The following EXT1 variants were observed in gnomAD, a reference collection of about 807,000 sequenced individuals.
EXT1 encodes the protein exostosin glycosyltransferase 1, also known as exostosin-1.
Under a neutral mutation model 82.5 loss-of-function variants are expected in EXT1, and 20 were observed. The ratio of observed to expected loss-of-function variants is 0.24; its 90% confidence interval spans 0.17 to 0.35. The LOEUF is 0.35. Ranked by LOEUF, EXT1 falls within the 10% of genes least tolerant of loss-of-function variation. EXT1 has a pLI of 1.00. For synonymous variants in EXT1, 348 were observed against 350.8 expected, an observed-to-expected ratio of 0.99 and a Z score of 0.09; for missense variants, 757 against 936.5, an observed-to-expected ratio of 0.81 and a Z score of 2.50.
At chr8:118,086,194 A>G (rs1817414821) in intron 1 of EXT1, among the ~76,000 whole-genome samples, 1 of 152,246 alleles carries the variant, frequency 6.6e-6, no homozygotes, top group Admixed American at 6.5e-5. Context: ...TGTATTGCCT[A>G]TCACGTACAT....
At chr8:117,936,461 C>A (rs1814165056) in intron 1 of EXT1, among the ~76,000 whole-genome samples, 1 of 152,236 alleles carries the variant, frequency 6.6e-6, no homozygotes, top group Non-Finnish European at 1.5e-5. Flanking sequence ...AGAGAGAAGT[C>A]AACCTAGAAC....
At chr8:117,816,711 A>G (rs1811826928) in intron 7 of EXT1, among the ~76,000 whole-genome samples, 1 of 152,234 alleles carries the variant, frequency 6.6e-6, no homozygotes, top group Non-Finnish European at 1.5e-5. Context: ...CTTTTCACTG[A>G]GAATGAAAAT....
At chr8:117,926,571 ATGAC>A (rs1177267562) in intron 1 of EXT1, among the ~76,000 whole-genome samples, 2 of 152,242 alleles carry the variant, frequency 1.3e-5, no homozygotes, top group Admixed American at 6.5e-5. Context: ...AATTGCCAAA[ATGAC>A]TGAGCAAATT....
intron 1 of EXT1, among the ~76,000 whole-genome samples, chr8:118,098,031 T>A (rs1817651677): frequency 6.7e-6 from 1 of 149,646 alleles, no homozygotes; most frequent in East Asian, 2.0e-4. Context: ...GGAGGAGGAG[T>A]GTGGCTCTGC....
chr8:117,854,428 G>A (rs1812506070), intron 1 of EXT1, among the ~76,000 whole-genome samples: 1 of 151,988 alleles, frequency 6.6e-6, no homozygotes, highest in Non-Finnish European at 1.5e-5. Context: ...AAAAGTTGGA[G>A]AGGGCAGTAG....
At position 117,889,495 on chromosome 8, in the gene EXT1, T is replaced by C. The variant is rs796808130; in HGVS notation, c.963-52294A>G. Among the ~76,000 whole-genome samples, 31 of 152,314 alleles carry C rather than the reference T, an allele frequency of 2.0e-4. 1 individual carries two copies. The highest frequency in any genetic ancestry group is 3.4e-3 in the Middle Eastern group (1 of 294). Reference sequence around the variant, plus strand: ...CTTAAAAAGCTAGAGTTATTTCTCATGTGATTTCATATCCTAGGGGACTTG... The same window carrying C: ...CTTAAAAAGCTAGAGTTATTTCTCACGTGATTTCATATCCTAGGGGACTTG... On this transcript the variant is annotated intron_variant, in intron 1 of 10. Coordinates refer to ENST00000378204, the MANE Select transcript of EXT1 (RefSeq NM_000127.3).
At chr8:118,073,682 G>C (rs556398783) in intron 1 of EXT1, among the ~76,000 whole-genome samples, 1 of 148,422 alleles carries the variant, frequency 6.7e-6, no homozygotes, top group African/African-American at 2.6e-5. Flanking sequence ...GAGAAGAGAA[G>C]AGAAGAGAAG....
chr8:118,007,895 TAGTG>T (rs1815812381), intron 1 of EXT1, among the ~76,000 whole-genome samples: 1 of 152,172 alleles, frequency 6.6e-6, no homozygotes, highest in South Asian at 2.1e-4. Flanking sequence ...GGACTAATGA[TAGTG>T]AGTATCTATG....
intron 1 of EXT1, among the ~76,000 whole-genome samples, chr8:117,842,649 T>C (rs937251961): frequency 2.0e-5 from 3 of 152,198 alleles, no homozygotes; most frequent in Non-Finnish European, 4.4e-5. Context: ...TTAAAAAGAA[T>C]GAAAACTACA....
chr8:117,994,430 G>A (rs1815495332), intron 1 of EXT1, among the ~76,000 whole-genome samples: 1 of 152,096 alleles, frequency 6.6e-6, no homozygotes, highest in Non-Finnish European at 1.5e-5. Context: ...TGAGCAACAT[G>A]GCAAAGCCCA....
intron 1 of EXT1, among the ~76,000 whole-genome samples, chr8:117,971,884 C>T (rs567369140): frequency 5.3e-5 from 8 of 152,192 alleles, no homozygotes; most frequent in Non-Finnish European, 1.0e-4. Flanking sequence ...GGTGCGGTGG[C>T]TCACGCCTGT....
In EXT1 at chr8:118,110,848, G is replaced by A. The variant is rs776249474; in HGVS notation, c.199C>T (p.Pro67Ser). 1.2e-6 allele frequency: 2 copies of A among 1,612,866 alleles called. No individual in the cohort carries two copies. Among genetic ancestry groups the A allele is most frequent in the Non-Finnish European group, 1.7e-6 (2 of 1,179,036 alleles). The change falls in exon 1 of 11, where the codon CCT (proline) becomes TCT (serine). Residue 67 changes from proline (P) to serine (S), a missense_variant. Physicochemically the swap from Pro to Ser is moderately conservative, Grantham distance 74 (BLOSUM62 -1). This residue lies in a region of EXT1 where 175 missense variants were observed against 159.0 expected (regional missense o/e 1.10). Transcript: ENST00000378204. Reference sequence around the variant, plus strand: ...TCCTCGTTTTCCAATTGATCCCAAGGAACGAAGGGGCGCAGAGCGTCCGGG... The same window carrying A: ...TCCTCGTTTTCCAATTGATCCCAAGAAACGAAGGGGCGCAGAGCGTCCGGG... Reference protein sequence around the residue: ...RFPDALRPFVPWDQLENEDSS... With the variant: ...RFPDALRPFVSWDQLENEDSS...
rs1823078408 is a variant in EXT1, at chr8:117,795,582, A to G, written c.*4130T>C. On this transcript the variant is annotated 3_prime_UTR_variant, in exon 11 of 11. Transcript: ENST00000378204. ...GAGGCAGAGGCAGGTGGATCACCTG[A>G]GGTCAGGAGTTTGAGACCAGCCTGG... The G allele has an allele frequency of 6.6e-6, 1 of 151,174 alleles. No homozygotes were observed. Among genetic ancestry groups the G allele is most frequent in the African/African-American group, 2.4e-5 (1 of 41,014 alleles). 9.4% of individuals were successfully genotyped at this position (151,174 alleles called of 1,614,324 possible).
intron 1 of EXT1, among the ~76,000 whole-genome samples, chr8:117,880,594 CTTT>C (rs58814828): frequency 1.4e-5 from 2 of 142,536 alleles, no homozygotes. Context: ...CCTCTTTTTT[CTTT>C]TTTTTTTTTT....
At chr8:117,934,559 C>G (rs1284577003) in intron 1 of EXT1, among the ~76,000 whole-genome samples, 1 of 152,248 alleles carries the variant, frequency 6.6e-6, no homozygotes, top group African/African-American at 2.4e-5. Flanking sequence ...GCCCCCTTTC[C>G]CTTCCTTCTC....
chr8:117,926,899 C>T (rs1813962724), intron 1 of EXT1, among the ~76,000 whole-genome samples: 1 of 152,144 alleles, frequency 6.6e-6, no homozygotes, highest in Admixed American at 6.5e-5. Flanking sequence ...AAAAATTCTA[C>T]AAAAAAACTA....
chr8:118,050,040 C>A (rs1816692062), intron 1 of EXT1, among the ~76,000 whole-genome samples: 1 of 152,096 alleles, frequency 6.6e-6, no homozygotes, highest in Admixed American at 6.5e-5. Flanking sequence ...ATTCTATATA[C>A]CCATTCACCT....
chr8:117,983,533 CT>C (rs1335132024), intron 1 of EXT1, among the ~76,000 whole-genome samples: 4 of 152,178 alleles, frequency 2.6e-5, no homozygotes, highest in African/African-American at 9.6e-5. Context: ...AACATGGACG[CT>C]CAGTAGTAAC....
chr8:117,904,860 GA>G (rs909728144), intron 1 of EXT1, among the ~76,000 whole-genome samples: 10 of 149,068 alleles, frequency 6.7e-5, no homozygotes, highest in South Asian at 2.1e-4. Context: ...AAAGTGTGAA[GA>G]AAAAAAAAAT....
Sources: allele counts gnomAD v4.1 joint callset (sites outside exome capture counted in the v4.1 genomes callset), GRCh38; gene constraint gnomAD v4.1.1; regional missense constraint gnomAD v4.1.1; transcripts MANE v1.5; gene names NCBI Gene and HGNC (gene_info 2026-07-23, HGNC 2026-07-21).